Variants in IL17RC observed in about 807,000 individuals in gnomAD.
The protein encoded by IL17RC is interleukin 17 receptor C, also known as interleukin-17 receptor C.
IL17RC carries 53 observed loss-of-function variants against 86.7 expected under a neutral mutation model. The ratio of observed to expected loss-of-function variants is 0.61; its 90% CI spans 0.49 to 0.77. IL17RC has a LOEUF of 0.77. IL17RC is among the 30% of genes least tolerant of loss of function. IL17RC has a pLI of 0.00. For missense variants in IL17RC, 957 were observed against 940.0 expected (o/e 1.02, Z -0.24); for synonymous variants, 439 against 413.1 (o/e 1.06, Z -0.76).
chr3:9,931,871 TAAA>T (rs36000537), intron 16 of IL17RC, among the ~76,000 whole-genome samples: 12 of 116,504 alleles, frequency 1.0e-4, no homozygotes, highest in Non-Finnish European at 1.3e-4. Flanking sequence ...CAATTGGAGG[TAAA>T]AAAAAAAAAA....
intron 7 of IL17RC, among the ~76,000 whole-genome samples, chr3:9,923,473 A>C (rs1183990758): frequency 6.6e-6 from 1 of 151,476 alleles, no homozygotes; most frequent in Admixed American, 6.6e-5. Context: ...GAATCGCTTG[A>C]ACCCAGGAGG....
intron 9 of IL17RC, among the ~76,000 whole-genome samples, chr3:9,926,609 T>C (rs1223172769): frequency 2.7e-5 from 4 of 150,548 alleles, no homozygotes; most frequent in Admixed American, 6.6e-5. Flanking sequence ...TTTTTTTGTG[T>C]TTTTGTTTTT....
intron 16 of IL17RC, among the ~76,000 whole-genome samples, 161 bp from the exon 17 acceptor site, chr3:9,932,447 T>C (rs890090907): frequency 3.3e-5 from 5 of 152,194 alleles, no homozygotes; most frequent in Admixed American, 3.3e-4. Flanking sequence ...AGGATGGTCT[T>C]GATGTCCTGA....
In IL17RC at chr3:9,933,299, C is replaced by T. The variant is rs776680067; in HGVS notation, c.1869C>T (p.Gly623=). The T allele has an allele frequency of 6.2e-7, 1 of 1,604,366 alleles. No individual in the cohort carries two copies. Among genetic ancestry groups the T allele is most frequent in the East Asian group, 2.2e-5 (1 of 44,454 alleles). ...LSCVLPDFLQ[G]RAPGSYVGAC... ...GCGTGCTGCCCGACTTCTTGCAGGG[C>T]CGGGCGCCCGGCAGCTACGTGGGGG... The change falls in exon 19 of 19, where the codon GGC becomes GGT. Residue 623 remains glycine (G), a synonymous_variant. Coordinates refer to ENST00000403601, the MANE Select transcript of IL17RC (RefSeq NM_153460.4).
chr3:9,923,556 A>G (rs1022052810), intron 7 of IL17RC, among the ~76,000 whole-genome samples: 19 of 152,144 alleles, frequency 1.2e-4, no homozygotes, highest in African/African-American at 3.9e-4. Flanking sequence ...TCTCAAAAAA[A>G]AAAAAGGACA....
rs2083276527 is a variant in IL17RC, at chr3:9,918,349, C to T, written c.295C>T (p.Pro99Ser). 6.3e-7 allele frequency: 1 copy of T among 1,595,620 alleles called. No individual in the cohort carries two copies. Among genetic ancestry groups the T allele is most frequent in the Non-Finnish European group, 8.5e-7 (1 of 1,171,198 alleles). Residue 99 changes from proline (P) to serine (S), a missense_variant, in exon 4 of 19, where the codon CCT becomes TCT. Pro to Ser is a moderately conservative substitution (Grantham distance 74). Coordinates refer to ENST00000403601, the MANE Select transcript of IL17RC (RefSeq NM_153460.4). ...HLAVHGHWEE[P>S]EDEEKFGGAA... is the part of the protein sequence containing the mutation. ...GGTCCTTCTAGGGCACTGGGAAGAG[C>T]CTGAAGATGAGGAAAAGTTTGGAGG... is the stretch of plus-strand genomic sequence containing the variant.
intron 12 of IL17RC, chr3:9,929,080 C>T (rs113333145): frequency 0.049 from 7,823 of 159,986 alleles, 632 homozygotes; most frequent in African/African-American, 0.17. Context: ...TTTGGGAGGC[C>T]GAGGCGGGCA....
chr3:9,917,319 C>G lies in IL17RC; in HGVS notation c.4C>G (p.Pro2Ala). The G allele has an allele frequency of 6.2e-7, 1 of 1,612,708 alleles. No homozygotes were observed. Among genetic ancestry groups the G allele is most frequent in the Non-Finnish European group, 8.5e-7 (1 of 1,179,206 alleles). Reference protein sequence around the residue: MPVPWFLLSLAL... With the variant: MAVPWFLLSLAL... ...GGTGCCACCTGGCACCTAGAAGATG[C>G]CTGTGCCCTGGTTCTTGCTGTCCTT... Residue 2 changes from proline (P) to alanine (A), a missense_variant, in exon 1 of 19, where the codon CCT becomes GCT. By Grantham distance (27) the Pro-to-Ala change is conservative. Transcript: ENST00000403601.
rs1365809547 is a variant in IL17RC, at chr3:9,928,482, T to C, written c.1055T>C (p.Val352Ala). 1.9e-6 allele frequency: 3 copies of C among 1,611,844 alleles called. No homozygotes were observed. The highest frequency in any genetic ancestry group is 2.5e-6 in the Non-Finnish European group (3 of 1,179,766). The change falls in exon 11 of 19, where the codon GTG becomes GCG. Residue 352 changes from valine to alanine, a missense_variant. Physicochemically the swap from Val to Ala is moderately conservative, Grantham distance 64. Transcript: ENST00000403601. ...CCGCTTTCCTGGGAGAACGTCACTGTGGACGTAAGTGAAGCAGAGGGCACC... is the reference window on the plus strand; with the variant it reads ...CCGCTTTCCTGGGAGAACGTCACTGCGGACGTAAGTGAAGCAGAGGGCACC... ...VPPLSWENVT[V>A]DKVLEFPLLK... is the part of the protein sequence containing the mutation.
At chr3:9,917,645 T>A (rs1401167844) in intron 1 of IL17RC, 68 bp from the exon 2 acceptor site, 1 of 1,613,750 alleles carries the variant, frequency 6.2e-7, no homozygotes, top group South Asian at 1.1e-5. Context: ...TAGGTGGAGG[T>A]CTTAGGCAGA....
In IL17RC at chr3:9,928,444, G is replaced by A. The variant is rs1242400529; in HGVS notation, c.1017G>A (p.Gln339=). 2 of 1,608,312 alleles carry A rather than the reference G, an allele frequency of 1.2e-6. No individual in the cohort carries two copies. Among genetic ancestry groups the A allele is most frequent in the Non-Finnish European group, 8.5e-7 (1 of 1,179,290 alleles). Residue 339 remains glutamine, a synonymous_variant, in exon 11 of 19, where the codon CAG becomes CAA. Transcript: ENST00000403601. The part of the protein sequence containing the change: ...CWRAPGGDPC[Q]PLVPPLSWEN... ...GGGCTCCGGGTGGGGACCCCTGCCA[G>A]CCACTGGTCCCACCGCTTTCCTGGG...
chr3:9,932,104 G>A (rs1337257884), intron 16 of IL17RC, among the ~76,000 whole-genome samples: 1 of 152,166 alleles, frequency 6.6e-6, no homozygotes, highest in Non-Finnish European at 1.5e-5. Flanking sequence ...CTTTACAGAG[G>A]AGAAAACTGA....
chr3:9,932,224 T>C (rs2084788553), intron 16 of IL17RC, among the ~76,000 whole-genome samples: 1 of 151,982 alleles, frequency 6.6e-6, no homozygotes, highest in South Asian at 2.1e-4. Flanking sequence ...TCTTCGTTTT[T>C]TGTTTTGTTT....
chr3:9,932,829 G>C lies in IL17RC; in HGVS notation c.1493G>C (p.Arg498Thr). The change falls in exon 18 of 19, where the codon AGG (arginine) becomes ACG (threonine). Residue 498 changes from arginine (R) to threonine (T), a missense_variant. Coordinates refer to ENST00000403601, the MANE Select transcript of IL17RC (RefSeq NM_153460.4). ...LKKDHAKGWL[R>T]LLKQDVRSGA... is the part of the protein sequence containing the mutation. ...CCCTCTCCCCTAACAGGGTGGCTGA[G>C]GCTCTTGAAACAGGACGTCCGCTCG... is the stretch of plus-strand genomic sequence containing the variant. 1 of 1,562,330 alleles carries C rather than the reference G, an allele frequency of 6.4e-7. No homozygotes were observed. Among genetic ancestry groups the C allele is most frequent in the African/African-American group, 1.4e-5 (1 of 73,080 alleles).
Position 9,923,862 on chromosome 3 carries a change from T to A in IL17RC, c.623-19T>A. The stretch of plus-strand genomic sequence containing the variant: ...AGGTGAGGAAGTCTAAGCTGCGCTC[T>A]CTTTGCCTCTCCCACCAGCCCTGCC... On this transcript the variant is annotated intron_variant, in intron 7 of 18. Coordinates refer to ENST00000403601, the MANE Select transcript of IL17RC (RefSeq NM_153460.4). 1 of 1,613,462 alleles carries A rather than the reference T, an allele frequency of 6.2e-7. No homozygotes were observed. Among genetic ancestry groups the A allele is most frequent in the Non-Finnish European group, 8.5e-7 (1 of 1,179,832 alleles).
rs1417225482 is a variant in IL17RC at position 9,917,302 on chromosome 3, C to T, written c.-14C>T. The T allele has an allele frequency of 4.4e-6, 7 of 1,607,610 alleles. No homozygotes were observed. Among genetic ancestry groups the T allele is most frequent in the Non-Finnish European group, 6.0e-6 (7 of 1,175,852 alleles). On this transcript the variant is annotated 5_prime_UTR_variant, in exon 1 of 19. Coordinates refer to ENST00000403601, the MANE Select transcript of IL17RC (RefSeq NM_153460.4). ...ACAGGGCCTCAGGCCTGGGTGCCAC[C>T]TGGCACCTAGAAGATGCCTGTGCCC...
At position 9,930,267 on chromosome 3, in the gene IL17RC, C is replaced by T. The variant is rs1345973061; in HGVS notation, c.1278+118C>T. 1 of 1,535,388 alleles carries T rather than the reference C, an allele frequency of 6.5e-7. No homozygotes were observed. The highest frequency in any genetic ancestry group is 1.2e-5 in the South Asian group (1 of 85,416). ...TGGGAACATGGGGGGTGACTCAGACCAGGGCCATATTCAGCGGCATCACCA... is the reference window on the plus strand; with the variant it reads ...TGGGAACATGGGGGGTGACTCAGACTAGGGCCATATTCAGCGGCATCACCA... On this transcript the variant is annotated intron_variant, in intron 14 of 18. Coordinates refer to ENST00000403601, the MANE Select transcript of IL17RC (RefSeq NM_153460.4). The surrounding 1 kb of genome is among the most constrained non-coding windows in gnomAD (Gnocchi z 5.8).
intron 7 of IL17RC, among the ~76,000 whole-genome samples, chr3:9,922,958 G>A (rs149772287): frequency 1.0e-4 from 15 of 149,672 alleles, no homozygotes; most frequent in Non-Finnish European, 1.9e-4. Flanking sequence ...GGCGGATCAC[G>A]AGGTCAGGAG....
At chr3:9,917,767 A>G (rs776956287) in intron 2 of IL17RC, 33 bp downstream of exon 2, 8 of 1,613,446 alleles carry the variant, frequency 5.0e-6, no homozygotes, top group Non-Finnish European at 6.8e-6. Flanking sequence ...AGAATTTCCC[A>G]GGTTGGCCGA....
Sources: allele counts gnomAD v4.1 joint callset (sites outside exome capture counted in the v4.1 genomes callset), GRCh38; gene constraint gnomAD v4.1.1; non-coding constraint Gnocchi (gnomAD v3.1); transcripts MANE v1.5; gene names NCBI Gene and HGNC (gene_info 2026-07-23, HGNC 2026-07-21).